The following MGAM2 variants were observed in gnomAD, a reference collection of about 807,000 sequenced individuals.
MGAM2 encodes probable maltase-glucoamylase 2.
Under a neutral mutation model 96.1 loss-of-function variants are expected in MGAM2, and 98 were observed. That is an observed-to-expected ratio of 1.02 (90% CI 0.87 to 1.21). The LOEUF is 1.21. Ranked by LOEUF, MGAM2 falls within the 50% of genes most tolerant of loss-of-function variation. The pLI is 0.00. For synonymous variants in MGAM2, 749 were observed against 414.8 expected, an observed-to-expected ratio of 1.81 and a Z score of -9.79; for missense variants, 2,055 against 1,182.4, an observed-to-expected ratio of 1.74 and a Z score of -10.82.
Position 142,173,289 on chromosome 7 carries a change from G to T in MGAM2, c.3622G>T (p.Gly1208Ter). 1.4e-6 allele frequency: 1 copy of T among 703,132 alleles called. No individual in the cohort carries two copies. The highest frequency in any genetic ancestry group is 2.6e-6 in the Non-Finnish European group (1 of 384,936). 43.6% of individuals were successfully genotyped at this position (703,132 alleles called of 1,614,324 possible). The change falls in exon 31 of 48, where the codon GGA becomes TGA. Residue 1208 changes from glycine (G) to a stop codon, truncating the protein, a stop_gained. Coordinates refer to ENST00000477922, the MANE Select transcript of MGAM2 (RefSeq NM_001293626.2). LOFTEE classifies it high-confidence loss of function. ...WALGFHLSRY[G>*]YQNDAEISSL... ...CTTGGGATTCCATCTGAGTCGCTATGGATACCAGAATGATGCTGAAATCTC... is the reference window on the plus strand; with the variant it reads ...CTTGGGATTCCATCTGAGTCGCTATTGATACCAGAATGATGCTGAAATCTC...
chr7:142,122,875 A>G (rs1794624063), intron 3 of MGAM2, among the ~76,000 whole-genome samples: 1 of 152,052 alleles, frequency 6.6e-6, no homozygotes, highest in Admixed American at 6.6e-5. Context: ...CTGTCGCCAG[A>G]CTGGAGTGCA....
intron 17 of MGAM2, among the ~76,000 whole-genome samples, chr7:142,155,937 G>A (rs559171749): frequency 2.0e-5 from 3 of 152,288 alleles, no homozygotes; most frequent in South Asian, 2.1e-4. Context: ...CCTGAGGTCC[G>A]GAGTTTGAGA....
intron 46 of MGAM2, among the ~76,000 whole-genome samples, chr7:142,209,751 G>C (rs1585221303): frequency 6.6e-6 from 1 of 152,232 alleles, no homozygotes; most frequent in East Asian, 1.9e-4. Context: ...AGTTAACTTA[G>C]ATTTCTTTTA....
At chr7:142,122,279 C>G (rs369149207) in intron 3 of MGAM2, among the ~76,000 whole-genome samples, 3 of 152,152 alleles carry the variant, frequency 2.0e-5, no homozygotes, top group Non-Finnish European at 4.4e-5. Flanking sequence ...ATAAATTTCT[C>G]ACCAAGTATA....
chr7:142,147,024 A>C (rs1795408346), intron 14 of MGAM2, among the ~76,000 whole-genome samples: 1 of 152,188 alleles, frequency 6.6e-6, no homozygotes, highest in South Asian at 2.1e-4. Context: ...CACTGTGCCC[A>C]GCCTCTATTT....
chr7:142,149,749 G>A (rs942273627), intron 15 of MGAM2, among the ~76,000 whole-genome samples: 1 of 151,698 alleles, frequency 6.6e-6, no homozygotes, highest in Non-Finnish European at 1.5e-5. Context: ...CACAGCGTTA[G>A]CCAGGATGGT....
intron 37 of MGAM2, among the ~76,000 whole-genome samples, chr7:142,189,840 T>C (rs1217575765): frequency 6.6e-6 from 1 of 152,240 alleles, no homozygotes; most frequent in Non-Finnish European, 1.5e-5. Flanking sequence ...TCCTGAGCCC[T>C]AGCCATTACT....
chr7:142,178,329 G>A (rs907964633), intron 32 of MGAM2, among the ~76,000 whole-genome samples: 1 of 152,122 alleles, frequency 6.6e-6, no homozygotes, highest in Non-Finnish European at 1.5e-5. Context: ...TCTGTTGACA[G>A]TTTCTCTTGC....
intron 45 of MGAM2, 194 bp from the exon 46 acceptor site, chr7:142,208,379 T>C (rs1459533773): frequency 1.5e-6 from 1 of 658,604 alleles, no homozygotes; most frequent in African/African-American, 1.8e-5. Flanking sequence ...AGGTACCCAT[T>C]TGCATTTGCA....
At chr7:142,194,657 G>A (rs965908179) in intron 37 of MGAM2, among the ~76,000 whole-genome samples, 19 of 150,544 alleles carry the variant, frequency 1.3e-4, no homozygotes, top group Non-Finnish European at 2.8e-4. Flanking sequence ...GAAATCAGGT[G>A]GTTTATATAT....
At position 142,197,458 on chromosome 7, in the gene MGAM2, A is replaced by C; in HGVS notation, c.4691A>C (p.Glu1564Ala). The C allele has an allele frequency of 1.4e-6, 1 of 703,042 alleles. No homozygotes were observed. The highest frequency in any genetic ancestry group is 2.6e-6 in the Non-Finnish European group (1 of 385,016). The allele number at this position is 703,042 out of a possible 1,614,324, so 43.6% of individuals were successfully genotyped here. The part of the protein sequence containing the change: ...TFEMLSRKVL[E>A]TRYTLLPYLY... ...GAGATGTTGTCCAGAAAAGTCCTAG[A>C]GACCAGATATACCCTGCTTCCTTAT... Residue 1564 changes from glutamate to alanine, a missense_variant, in exon 41 of 48, where the codon GAG (glutamate) becomes GCG (alanine). Glu to Ala is a moderately radical substitution (Grantham distance 107, BLOSUM62 -1). Coordinates refer to ENST00000477922, the MANE Select transcript of MGAM2 (RefSeq NM_001293626.2).
intron 28 of MGAM2, among the ~76,000 whole-genome samples, 155 bp downstream of exon 28, chr7:142,171,595 C>A (rs1411239396): frequency 1.9e-5 from 2 of 106,388 alleles, no homozygotes; most frequent in African/African-American, 3.5e-5. Flanking sequence ...ATTCTTTTGT[C>A]CCTAAAAGGC....
intron 32 of MGAM2, among the ~76,000 whole-genome samples, chr7:142,178,625 C>T (rs1796447088): frequency 6.6e-6 from 1 of 152,030 alleles, no homozygotes; most frequent in South Asian, 2.1e-4. Flanking sequence ...TTCCTTCTTG[C>T]TCATTTTTGT....
At chr7:142,216,065 A>T (rs757577912) in intron 46 of MGAM2, among the ~76,000 whole-genome samples, 3 of 152,128 alleles carry the variant, frequency 2.0e-5, no homozygotes, top group Non-Finnish European at 4.4e-5. Context: ...GGCACATATA[A>T]ATCTCATGGT....
At chr7:142,113,544 G>A (rs750941230) in intron 1 of MGAM2, among the ~76,000 whole-genome samples, 4 of 151,826 alleles carry the variant, frequency 2.6e-5, no homozygotes, top group Non-Finnish European at 2.9e-5. Context: ...TTTATAATGT[G>A]ATTCTATTCC....
intron 37 of MGAM2, among the ~76,000 whole-genome samples, chr7:142,190,031 A>G (rs1354994178): frequency 6.6e-6 from 1 of 152,080 alleles, no homozygotes; most frequent in Admixed American, 6.6e-5. Flanking sequence ...TTATATAGAT[A>G]CACCATATTT....
At chr7:142,212,144 G>A (rs190600965) in intron 46 of MGAM2, among the ~76,000 whole-genome samples, 128 of 152,330 alleles carry the variant, frequency 8.4e-4, no homozygotes, top group African/African-American at 3.0e-3. Flanking sequence ...CCATTTACAA[G>A]CAAATGCTGA....
At chr7:142,159,409 G>T in intron 20 of MGAM2, 66 bp downstream of exon 20, 1 of 693,400 alleles carries the variant, frequency 1.4e-6, no homozygotes. Flanking sequence ...TAAAGCAGCA[G>T]TCTTGGGAGC....
chr7:142,207,927 C>A (rs931512615), intron 45 of MGAM2, among the ~76,000 whole-genome samples: 1 of 152,028 alleles, frequency 6.6e-6, no homozygotes, highest in Non-Finnish European at 1.5e-5. Context: ...ATCTGGAGCA[C>A]TGTGGGAGGA....
Sources: allele counts gnomAD v4.1 joint callset (sites outside exome capture counted in the v4.1 genomes callset), GRCh38; gene constraint gnomAD v4.1.1; transcripts MANE v1.5; gene names NCBI Gene and HGNC (gene_info 2026-07-23, HGNC 2026-07-21).